The following CLTCL1 variants were observed in gnomAD, a reference collection of about 807,000 sequenced individuals.
The protein encoded by CLTCL1 is clathrin heavy chain like 1, also known as clathrin heavy chain 2.
In CLTCL1, 159 loss-of-function variants were observed where a neutral mutation model predicts 190.0. The observed-to-expected ratio is 0.84, with a 90% CI of 0.74 to 0.95. The LOEUF (loss-of-function observed/expected upper bound fraction) is 0.95. Ranked by LOEUF, CLTCL1 falls within the 40% of genes least tolerant of loss-of-function variation. CLTCL1 has a pLI of 0.00. For synonymous variants in CLTCL1, 752 were observed against 769.6 expected, an observed-to-expected ratio of 0.98 and a Z score of 0.38; for missense variants, 1,878 against 2,033.4, an observed-to-expected ratio of 0.92 and a Z score of 1.47.
intron 13 of CLTCL1, 150 bp downstream of exon 13, chr22:19,225,303 T>C (rs1441773685): frequency 2.8e-6 from 2 of 703,320 alleles, no homozygotes; most frequent in Admixed American, 3.0e-5. Context: ...GGCAGTAGCA[T>C]TCTGCCACCG....
chr22:19,220,063 G>T, intron 17 of CLTCL1, 56 bp from the exon 18 acceptor site: 1 of 1,609,598 alleles, frequency 6.2e-7, no homozygotes, highest in South Asian at 1.1e-5. Flanking sequence ...GAAGCTGCTT[G>T]GGAGGACACA....
At position 19,206,547 on chromosome 22, in the gene CLTCL1, C is replaced by G. The variant is rs797037985; in HGVS notation, c.3600+1607G>C. On this transcript the variant is annotated intron_variant, in intron 22 of 32. Transcript: ENST00000427926. ...TGTGAGCCACCGTGCCCAGCCCCAA[C>G]AACTACTTGGAACTTATTTTGAAAT... Among the ~76,000 whole-genome samples, 8 of 152,140 alleles carry G rather than the reference C, an allele frequency of 5.3e-5. 1 individual carries two copies. Among genetic ancestry groups the G allele is most frequent in the African/African-American group, 1.9e-4 (8 of 41,496 alleles).
intron 19 of CLTCL1, among the ~76,000 whole-genome samples, chr22:19,214,959 G>A (rs904069125): frequency 4.6e-5 from 7 of 152,176 alleles, no homozygotes; most frequent in Admixed American, 2.0e-4. Flanking sequence ...GCCCAGCCAA[G>A]GCTATTTTTA....
At chr22:19,208,875 T>A (rs376163028) in intron 21 of CLTCL1, 47 bp downstream of exon 21, 1 of 1,469,508 alleles carries the variant, frequency 6.8e-7, no homozygotes, top group Middle Eastern at 2.4e-4. Context: ...TCAGCCAGGT[T>A]TTGCATCAGT....
chr22:19,184,407 G>A (rs1025985211), intron 29 of CLTCL1: 49 of 452,404 alleles, frequency 1.1e-4, no homozygotes, highest in South Asian at 2.0e-4. Flanking sequence ...TCTGAGTTCC[G>A]TTTGGGAGAC....
At chr22:19,247,886 T>C (rs1555968585) in intron 3 of CLTCL1, among the ~76,000 whole-genome samples, 1 of 152,032 alleles carries the variant, frequency 6.6e-6, no homozygotes, top group Non-Finnish European at 1.5e-5. Context: ...AAAAGCTTAA[T>C]TGAGATATAA....
In CLTCL1 at chr22:19,235,708, GT is replaced by G. The variant is rs782500090; in HGVS notation, c.956del (p.Asn319ThrfsTer17). ...HKPTSGIIGV[N>X]KKGQVLSVCV... Reference sequence around the variant, plus strand: ...CAGAGTTACACACCTGTCCCTTTTTGTTGACACCAATAATTCCAGAGGTTGG... The same window carrying G: ...CAGAGTTACACACCTGTCCCTTTTTGTGACACCAATAATTCCAGAGGTTGG... On this transcript the variant is annotated frameshift_variant, in exon 6 of 33. Coordinates refer to ENST00000427926, the MANE Select transcript of CLTCL1 (RefSeq NM_007098.4). LOFTEE classifies it high-confidence loss of function. 2.5e-6 allele frequency: 4 copies of G among 1,610,034 alleles called. No individual in the cohort carries two copies. Among genetic ancestry groups the G allele is most frequent in the Non-Finnish European group, 1.7e-6 (2 of 1,178,714 alleles).
At position 19,280,815 on chromosome 22, in the gene CLTCL1, T is replaced by G. The variant is rs543126933; in HGVS notation, c.43-4985A>C. 3.4e-4 allele frequency among the ~76,000 whole-genome samples: 33 copies of G among 96,148 alleles called. No homozygotes were observed. In the South Asian group the frequency reaches 0.014, roughly 40 times the overall value. 63.1% of individuals were successfully genotyped at this position (96,148 alleles called of 152,430 possible). ...GCCTGGGCAACAGAGCGAGACTCCA[T>G]CTCAAAAAAAAAAAAAAAAAAAAAG... On this transcript the variant is annotated intron_variant, in intron 1 of 32. Transcript: ENST00000427926.
intron 1 of CLTCL1, among the ~76,000 whole-genome samples, chr22:19,289,253 G>T (rs2088021792): frequency 6.6e-6 from 1 of 152,188 alleles, no homozygotes; most frequent in East Asian, 1.9e-4. Context: ...AAAGTGGTGG[G>T]ATTACAGGTG....
intron 20 of CLTCL1, chr22:19,209,355 A>G (rs1226610805): frequency 9.9e-6 from 4 of 405,238 alleles, no homozygotes; most frequent in Non-Finnish European, 1.8e-5. Flanking sequence ...ACAGAGATGG[A>G]GATAGCCAGG....
In CLTCL1 at chr22:19,233,213, A is replaced by G. The variant is rs1464282766; in HGVS notation, c.1474T>C (p.Phe492Leu). 6.2e-7 allele frequency: 1 copy of G among 1,613,866 alleles called. No individual in the cohort carries two copies. Among genetic ancestry groups the G allele is most frequent in the Non-Finnish European group, 8.5e-7 (1 of 1,179,866 alleles). ...TTCTGGAATTGGCCTGTTTCTGCAA[A>G]ACACTGGATCACTTTGCTTGGCACA... ...ANVPSKVIQC[F>L]AETGQFQKIV... is the part of the protein sequence containing the mutation. Residue 492 changes from phenylalanine to leucine, a missense_variant, in exon 9 of 33, where the codon TTT becomes CTT. Physicochemically the swap from Phe to Leu is conservative, Grantham distance 22. Transcript: ENST00000427926.
At chr22:19,237,055 C>T (rs928327030) in intron 5 of CLTCL1, among the ~76,000 whole-genome samples, 2 of 152,024 alleles carry the variant, frequency 1.3e-5, no homozygotes, top group Admixed American at 6.6e-5. Flanking sequence ...AACATGATAC[C>T]ACTGCCACAC....
At chr22:19,233,916 A>G (rs1235388309) in intron 7 of CLTCL1, among the ~76,000 whole-genome samples, 2 of 152,216 alleles carry the variant, frequency 1.3e-5, no homozygotes, top group Non-Finnish European at 2.9e-5. Flanking sequence ...TGCTATCATT[A>G]TATTCTAATT....
intron 4 of CLTCL1, 73 bp from the exon 5 acceptor site, chr22:19,239,461 G>T: frequency 9.5e-7 from 1 of 1,057,300 alleles, no homozygotes; most frequent in South Asian, 1.3e-5. Flanking sequence ...AGGCACAGAG[G>T]CAAGTGGAGC....
At chr22:19,186,934 C>T (rs534981506) in intron 29 of CLTCL1, among the ~76,000 whole-genome samples, 36 of 130,708 alleles carry the variant, frequency 2.8e-4, no homozygotes, top group African/African-American at 9.3e-4. Context: ...TTTTTAAATT[C>T]CTCAAATCTT....
At chr22:19,216,692 C>A (rs533598761) in intron 18 of CLTCL1, among the ~76,000 whole-genome samples, 1 of 152,364 alleles carries the variant, frequency 6.6e-6, no homozygotes, top group African/African-American at 2.4e-5. Flanking sequence ...CGTGCCTTCA[C>A]ACCGGATGAC....
At chr22:19,263,520 T>C (rs1442565535) in intron 2 of CLTCL1, among the ~76,000 whole-genome samples, 1 of 152,168 alleles carries the variant, frequency 6.6e-6, no homozygotes, top group African/African-American at 2.4e-5. Context: ...GTTCACACCA[T>C]TCTCCGCCTC....
chr22:19,252,752 C>T (rs782044457), intron 3 of CLTCL1, among the ~76,000 whole-genome samples: 15 of 152,292 alleles, frequency 9.8e-5, no homozygotes, highest in South Asian at 2.1e-4. Context: ...CGGTGGCTCA[C>T]GCCTGTAATC....
rs149544735 is a variant in CLTCL1, at chr22:19,180,437, A to G, written c.4904-199T>C. Among the ~76,000 whole-genome samples the G allele has an allele frequency of 2.3e-3, 353 of 152,266 alleles. 1 individual carries two copies. Among genetic ancestry groups the G allele is most frequent in the African/African-American group, 8.0e-3 (331 of 41,548 alleles). On this transcript the variant is annotated intron_variant, in intron 31 of 32. Transcript: ENST00000427926. ...TCTCAGGTGCAAAGCCCCTCCCAGC[A>G]CACACCAGCAGCAGCCTTGCTGTCC...
Sources: allele counts gnomAD v4.1 joint callset (sites outside exome capture counted in the v4.1 genomes callset), GRCh38; gene constraint gnomAD v4.1.1; transcripts MANE v1.5; gene names NCBI Gene and HGNC (gene_info 2026-07-23, HGNC 2026-07-21).